ZNF423: variants seen among roughly 807,000 people sequenced by gnomAD.
ZNF423 encodes the protein zinc finger protein 423, also known as Ebf-associated zinc finger protein.
ZNF423 carries 12 observed loss-of-function variants against 95.8 expected under a neutral mutation model. That is an observed-to-expected ratio of 0.13 (90% CI 0.08 to 0.20). The LOEUF (loss-of-function observed/expected upper bound fraction) is 0.20, where lower values mean the gene tolerates loss of function less well. ZNF423 is among the 10% of genes least tolerant of loss of function. The pLI, the probability that ZNF423 is intolerant of heterozygous loss-of-function variation, is 1.00. For missense variants in ZNF423, 1,316 were observed against 1,737.1 expected (o/e 0.76, Z 4.31); for synonymous variants, 749 against 711.9 (o/e 1.05, Z -0.83).
intron 3 of ZNF423, among the ~76,000 whole-genome samples, chr16:49,660,210 T>G (rs1158096910): frequency 1.3e-5 from 2 of 151,792 alleles, no homozygotes; most frequent in African/African-American, 4.9e-5. Flanking sequence ...GCTCAATGAC[T>G]GAATGAATGA....
At chr16:49,644,117 C>T (rs568349495) in intron 3 of ZNF423, among the ~76,000 whole-genome samples, 1 of 152,274 alleles carries the variant, frequency 6.6e-6, no homozygotes, top group Non-Finnish European at 1.5e-5. Context: ...AGAAGGTGCT[C>T]GGGCCAAGGC....
In ZNF423 at chr16:49,730,924, G is replaced by C. The variant is rs142138944; in HGVS notation, c.148C>G (p.Leu50Val). 16 of 1,614,090 alleles carry C rather than the reference G, an allele frequency of 9.9e-6. No individual in the cohort carries two copies. The African/African-American group carries it at 1.1e-4, about 11-fold the overall frequency. ...CTTGTCACGCTGTTCCTGTCTTCCA[G>C]CGCACGGCTGGTTTTCTGATCGCAC... ...PECDQKTSRA[L>V]EDRNSVTSQE... The change falls in exon 3 of 8, where the codon CTG (leucine) becomes GTG (valine). Residue 50 changes from leucine (L) to valine (V), a missense_variant. Transcript: ENST00000563137.
At chr16:49,526,072 G>T (rs1194162112) in intron 5 of ZNF423, among the ~76,000 whole-genome samples, 2 of 152,096 alleles carry the variant, frequency 1.3e-5, no homozygotes, top group African/African-American at 2.4e-5. Flanking sequence ...TGGGGGCAGG[G>T]CCCTGAGGTG....
intron 3 of ZNF423, 41 bp downstream of exon 3, chr16:49,730,730 G>A (rs1187998977): frequency 6.8e-6 from 11 of 1,607,262 alleles, no homozygotes; most frequent in South Asian, 2.2e-5. Context: ...CCAATTACCC[G>A]TGTAACCACC....
chr16:49,676,696 T>C (rs1382177441), intron 3 of ZNF423, among the ~76,000 whole-genome samples: 2 of 152,204 alleles, frequency 1.3e-5, no homozygotes, highest in Non-Finnish European at 2.9e-5. Context: ...AGGATTTCTG[T>C]TCATGGAGAT....
chr16:49,669,976 C>T (rs188716752), intron 3 of ZNF423, among the ~76,000 whole-genome samples: 3 of 152,296 alleles, frequency 2.0e-5, no homozygotes, highest in Admixed American at 2.0e-4. Flanking sequence ...TTGAGGGTAA[C>T]CAGGATAGGA....
At chr16:49,746,331 C>T (rs112442936) in intron 2 of ZNF423, among the ~76,000 whole-genome samples, 10 of 152,160 alleles carry the variant, frequency 6.6e-5, no homozygotes, top group Middle Eastern at 6.8e-3. Context: ...TATCTCAGAT[C>T]TGCTTGGACT....
At chr16:49,789,686 A>G in intron 1 of ZNF423, 140 bp from the exon 2 acceptor site, 1 of 707,736 alleles carries the variant, frequency 1.4e-6, no homozygotes. Flanking sequence ...GGCAAAGCCT[A>G]CAAAGAGGCC....
rs199688997 is a variant in ZNF423, at chr16:49,523,671, C to T, written c.3802G>A (p.Asp1268Asn). 153 of 1,614,032 alleles carry T rather than the reference C, an allele frequency of 9.5e-5. 1 individual carries two copies. Among genetic ancestry groups the T allele is most frequent in the Admixed American group, 1.3e-4 (8 of 60,014 alleles). ...AACTTCTGAGGGCACTGTGAGCAGT[C>T]GTAGATCTTGTCCTCCTGCCCGTGC... ...AVHGQEDKIY[D>N]CSQCPQKFFF... The change falls in exon 7 of 8, where the codon GAC becomes AAC. Residue 1268 changes from aspartate (D) to asparagine (N), a missense_variant. Asp to Asn is a conservative substitution (Grantham distance 23). This residue lies in a region of ZNF423 where 75 missense variants were observed against 163.5 expected (regional missense o/e 0.46). Transcript: ENST00000563137.
intron 1 of ZNF423, among the ~76,000 whole-genome samples, chr16:49,829,034 C>T (rs1006827160): frequency 3.9e-5 from 6 of 152,212 alleles, no homozygotes; most frequent in African/African-American, 7.2e-5. Context: ...CCGTTTTCTC[C>T]TCTATCCCCA....
At chr16:49,506,749 G>A (rs1313228403) in intron 7 of ZNF423, among the ~76,000 whole-genome samples, 1 of 152,012 alleles carries the variant, frequency 6.6e-6, no homozygotes, top group Non-Finnish European at 1.5e-5. Context: ...ATGGGTAGGT[G>A]GACGAATGGG....
At chr16:49,673,059 A>T (rs946092124) in intron 3 of ZNF423, among the ~76,000 whole-genome samples, 4 of 152,064 alleles carry the variant, frequency 2.6e-5, no homozygotes, top group Non-Finnish European at 4.4e-5. Context: ...CCAGCAGGTG[A>T]GGCTCACCAC....
chr16:49,508,524 A>C (rs1256358339), intron 7 of ZNF423, among the ~76,000 whole-genome samples: 3 of 151,486 alleles, frequency 2.0e-5, no homozygotes, highest in African/African-American at 7.3e-5. Flanking sequence ...AAAAAAAAAA[A>C]AAAAAAAAAA....
intron 5 of ZNF423, among the ~76,000 whole-genome samples, chr16:49,587,413 G>A (rs1231574617): frequency 6.6e-6 from 1 of 152,194 alleles, no homozygotes; most frequent in Non-Finnish European, 1.5e-5. Flanking sequence ...TTGGCAGGTG[G>A]GAAGAGTGAG....
intron 1 of ZNF423, among the ~76,000 whole-genome samples, chr16:49,790,000 C>A (rs976605408): frequency 6.6e-6 from 1 of 152,056 alleles, no homozygotes; most frequent in African/African-American, 2.4e-5. Flanking sequence ...GGCAACCAGC[C>A]TCCCCCCCAT....
In ZNF423 at chr16:49,684,599, G is replaced by GC. The variant is rs548589372; in HGVS notation, c.302-45726dup. ...TGAAGATGAAGAAAAGAGAAGCTGA[G>GC]CCCCTCAAGGTTCTGGTCAGGATGT... On this transcript the variant is annotated intron_variant, in intron 3 of 7. Coordinates refer to ENST00000563137, the MANE Select transcript of ZNF423 (RefSeq NM_001379286.1). 3.9e-4 allele frequency among the ~76,000 whole-genome samples: 59 copies of GC among 152,282 alleles called. 1 individual carries two copies. Among genetic ancestry groups the GC allele is most frequent in the Admixed American group, 3.4e-3 (52 of 15,304 alleles).
intron 5 of ZNF423, among the ~76,000 whole-genome samples, chr16:49,621,267 A>C (rs1246200838): frequency 6.6e-6 from 1 of 152,032 alleles, no homozygotes; most frequent in Non-Finnish European, 1.5e-5. Context: ...AAGCTGGGGG[A>C]GTCCCAGGGA....
chr16:49,729,823 A>G (rs2033118399), intron 3 of ZNF423, among the ~76,000 whole-genome samples: 1 of 152,136 alleles, frequency 6.6e-6, no homozygotes, highest in Non-Finnish European at 1.5e-5. Flanking sequence ...TGATATGAGG[A>G]GTAGAAAAAG....
At chr16:49,749,983 G>A (rs185369631) in intron 2 of ZNF423, among the ~76,000 whole-genome samples, 1 of 152,178 alleles carries the variant, frequency 6.6e-6, no homozygotes, top group Non-Finnish European at 1.5e-5. Flanking sequence ...CAGTCCATCC[G>A]TGCAGATGGA....
Sources: allele counts gnomAD v4.1 joint callset (sites outside exome capture counted in the v4.1 genomes callset), GRCh38; gene constraint gnomAD v4.1.1; regional missense constraint gnomAD v4.1.1; transcripts MANE v1.5; gene names NCBI Gene and HGNC (gene_info 2026-07-23, HGNC 2026-07-21).